The following CCSER1 variants were observed in gnomAD, a reference collection of about 807,000 sequenced individuals.
The protein encoded by CCSER1 is coiled-coil serine rich protein 1, also known as serine-rich coiled-coil domain-containing protein 1.
CCSER1 carries 41 observed loss-of-function variants against 82.0 expected under a neutral mutation model. The ratio of observed to expected loss-of-function variants is 0.50; its 90% CI spans 0.39 to 0.65. The LOEUF (loss-of-function observed/expected upper bound fraction) is 0.65. Among genes scored for constraint, CCSER1 ranks in the 30% least tolerant of loss-of-function variants. CCSER1 has a pLI of 0.00. For missense variants in CCSER1, 1,119 were observed against 1,064.2 expected (o/e 1.05, Z -0.72); for synonymous variants, 414 against 383.9 (o/e 1.08, Z -0.92).
At chr4:90,689,011 A>G (rs540274693) in intron 6 of CCSER1, among the ~76,000 whole-genome samples, 79 of 152,298 alleles carry the variant, frequency 5.2e-4, no homozygotes, top group African/African-American at 1.8e-3. Context: ...GAGTTAAAAC[A>G]GTCTTATGCA....
intron 6 of CCSER1, 131 bp downstream of exon 6, chr4:90,628,363 T>C (rs988966866): frequency 1.5e-6 from 1 of 656,248 alleles, no homozygotes; most frequent in Admixed American, 2.8e-5. Flanking sequence ...CTCTTGGAGC[T>C]TAGCTATTTT....
At chr4:91,400,760 G>A (rs923801435) in intron 10 of CCSER1, among the ~76,000 whole-genome samples, 2 of 151,442 alleles carry the variant, frequency 1.3e-5, no homozygotes, top group African/African-American at 4.8e-5. Flanking sequence ...CTTGTAAAAT[G>A]TATATTATGA....
At chr4:90,822,236 T>G (rs576248663) in intron 8 of CCSER1, among the ~76,000 whole-genome samples, 1 of 152,336 alleles carries the variant, frequency 6.6e-6, no homozygotes, top group Non-Finnish European at 1.5e-5. Context: ...GATGACAATT[T>G]ACATATACAC....
At chr4:90,384,502 A>T (rs1188876753) in intron 3 of CCSER1, among the ~76,000 whole-genome samples, 1 of 151,800 alleles carries the variant, frequency 6.6e-6, no homozygotes, top group Admixed American at 6.6e-5. Context: ...CCATTTAGAA[A>T]ATTTTTTCTT....
At chr4:90,954,595 T>C (rs981972506) in intron 9 of CCSER1, among the ~76,000 whole-genome samples, 1 of 152,072 alleles carries the variant, frequency 6.6e-6, no homozygotes, top group African/African-American at 2.4e-5. Context: ...AACTAACACA[T>C]TAAATAGTGC....
chr4:90,720,103 T>A (rs1186587403), intron 6 of CCSER1, among the ~76,000 whole-genome samples: 2 of 152,156 alleles, frequency 1.3e-5, no homozygotes, highest in East Asian at 1.9e-4. Context: ...ATTTGGGAGT[T>A]CTTTCGTGTT....
chr4:90,615,135 A>C (rs772647655), intron 5 of CCSER1, among the ~76,000 whole-genome samples: 3 of 151,438 alleles, frequency 2.0e-5, no homozygotes, highest in Non-Finnish European at 4.4e-5. Flanking sequence ...CACTGTTGAA[A>C]CCTACTGCTC....
chr4:91,107,167 A>G (rs1462354392), intron 10 of CCSER1, among the ~76,000 whole-genome samples: 1 of 152,238 alleles, frequency 6.6e-6, no homozygotes, highest in Admixed American at 6.5e-5. Flanking sequence ...GCTATACCGC[A>G]TAGCCTAGGT....
At chr4:91,364,983 A>G (rs962606514) in intron 10 of CCSER1, among the ~76,000 whole-genome samples, 1 of 152,100 alleles carries the variant, frequency 6.6e-6, no homozygotes, top group African/African-American at 2.4e-5. Flanking sequence ...GCCACTGTAA[A>G]GTTAACCTGT....
chr4:90,747,291 C>G (rs1198589209), intron 7 of CCSER1, among the ~76,000 whole-genome samples: 1 of 152,014 alleles, frequency 6.6e-6, no homozygotes, highest in East Asian at 1.9e-4. Flanking sequence ...GGTCAGTTTT[C>G]CTAGATGCAG....
intron 9 of CCSER1, among the ~76,000 whole-genome samples, chr4:90,925,503 T>C (rs1057493916): frequency 6.6e-6 from 1 of 152,198 alleles, no homozygotes; most frequent in Non-Finnish European, 1.5e-5. Context: ...GTGACACTAT[T>C]AGTGATTGCT....
At chr4:90,623,958 T>A (rs138945663) in intron 5 of CCSER1, among the ~76,000 whole-genome samples, 9 of 152,304 alleles carry the variant, frequency 5.9e-5, no homozygotes, top group African/African-American at 1.9e-4. Flanking sequence ...GTAAATAACC[T>A]GAACCTTTTT....
At chr4:90,463,971 AATT>A (rs1254233925) in intron 4 of CCSER1, among the ~76,000 whole-genome samples, 1 of 152,160 alleles carries the variant, frequency 6.6e-6, no homozygotes, top group Non-Finnish European at 1.5e-5. Flanking sequence ...TATTAAATAA[AATT>A]ATTTTGATGT....
At chr4:91,373,137 A>T (rs1750154452) in intron 10 of CCSER1, among the ~76,000 whole-genome samples, 1 of 151,578 alleles carries the variant, frequency 6.6e-6, no homozygotes, top group Non-Finnish European at 1.5e-5. Flanking sequence ...TCATGTTTAA[A>T]CATACTTTTT....
chr4:91,464,393 A>G (rs1408206907), intron 10 of CCSER1, among the ~76,000 whole-genome samples: 2 of 152,230 alleles, frequency 1.3e-5, no homozygotes, highest in Non-Finnish European at 2.9e-5. Context: ...CAGCCACTGC[A>G]AAAATATGCC....
chr4:90,471,978 A>G (rs75118283), intron 5 of CCSER1, among the ~76,000 whole-genome samples: 1 of 142,932 alleles, frequency 7.0e-6, no homozygotes, highest in Non-Finnish European at 1.5e-5. Context: ...ACGCCATCTC[A>G]AAAAAAAAAA....
At chr4:90,774,579 G>A (rs7685883) in intron 7 of CCSER1, among the ~76,000 whole-genome samples, 49,456 of 151,868 alleles carry the variant, frequency 0.33, 9,554 homozygotes, top group African/African-American at 0.55. Context: ...ACTGTACTTT[G>A]CACCTTCTTC....
chr4:90,774,465 CAT>C (rs1300912484), intron 7 of CCSER1, among the ~76,000 whole-genome samples: 5 of 151,996 alleles, frequency 3.3e-5, no homozygotes, highest in Non-Finnish European at 7.4e-5. Context: ...TATAATGAGT[CAT>C]AGAAAATTTG....
chr4:90,417,622 A>G (rs1756019983), intron 4 of CCSER1, among the ~76,000 whole-genome samples: 1 of 152,180 alleles, frequency 6.6e-6, no homozygotes, highest in South Asian at 2.1e-4. Context: ...CTCTTGGTAT[A>G]TATCCAAAGG....
Sources: allele counts gnomAD v4.1 joint callset (sites outside exome capture counted in the v4.1 genomes callset), GRCh38; gene constraint gnomAD v4.1.1; transcripts MANE v1.5; gene names NCBI Gene and HGNC (gene_info 2026-07-23, HGNC 2026-07-21).